The following MYO1D variants were observed in gnomAD, a reference collection of about 807,000 sequenced individuals.
MYO1D encodes the protein myosin ID.
In MYO1D, 83 loss-of-function variants were observed where a neutral mutation model predicts 122.0. The ratio of observed to expected loss-of-function variants is 0.68; its 90% CI spans 0.57 to 0.82. The LOEUF is 0.82. Ranked by LOEUF, MYO1D falls within the 40% of genes least tolerant of loss-of-function variation. The pLI is 0.00. For synonymous variants in MYO1D, 464 were observed against 446.9 expected (o/e 1.04, Z -0.48); for missense variants, 1,157 against 1,269.5 (o/e 0.91, Z 1.35).
chr17:32,818,700 C>T (rs1025839925), intron 1 of MYO1D, among the ~76,000 whole-genome samples: 5 of 152,162 alleles, frequency 3.3e-5, no homozygotes, highest in African/African-American at 1.2e-4. Flanking sequence ...CGATCTTGGG[C>T]AAGGGGTCAG....
rs28909978 is a variant in MYO1D, at chr17:32,702,204, T to C, written c.2121+9784A>G. On this transcript the variant is annotated intron_variant, in intron 16 of 21. Transcript: ENST00000318217. ...GTTTTACATGCTTCTGTTATTTCCT[T>C]TCCCACTATTATACTTGTGTGCATA... is the stretch of plus-strand genomic sequence containing the variant. Among the ~76,000 whole-genome samples, 971 of 152,346 alleles carry C rather than the reference T, an allele frequency of 6.4e-3. 5 individuals are homozygous for C. Among genetic ancestry groups the C allele is most frequent in the Non-Finnish European group, 0.011 (727 of 68,024 alleles).
intron 1 of MYO1D, among the ~76,000 whole-genome samples, chr17:32,814,275 C>T (rs967512430): frequency 8.5e-5 from 13 of 152,244 alleles, no homozygotes; most frequent in Middle Eastern, 3.4e-3. Context: ...ACCCGGGAGG[C>T]GGAGGTTGCA....
At chr17:32,852,287 G>A (rs1249395472) in intron 1 of MYO1D, among the ~76,000 whole-genome samples, 2 of 152,028 alleles carry the variant, frequency 1.3e-5, no homozygotes, top group Non-Finnish European at 2.9e-5. Flanking sequence ...TACCACACCT[G>A]GCTAGTTTTT....
At chr17:32,594,608 G>T (rs1481361597) in intron 21 of MYO1D, 1 of 642,584 alleles carries the variant, frequency 1.6e-6, no homozygotes, top group South Asian at 1.9e-5. Context: ...TCAGAAATAG[G>T]CTTTTTCTTT....
intron 16 of MYO1D, among the ~76,000 whole-genome samples, chr17:32,694,707 C>CAAAAAAAAAAAAAAAAA (rs58606294): frequency 1.8e-5 from 1 of 55,914 alleles, no homozygotes; most frequent in East Asian, 6.8e-4. Flanking sequence ...GACTCCGTCT[C>CAAAAAAAAAAAAAAAAA]AAAAAAAAAA....
intron 20 of MYO1D, among the ~76,000 whole-genome samples, chr17:32,637,046 GATA>G (rs1241613022): frequency 6.6e-6 from 1 of 152,180 alleles, no homozygotes; most frequent in African/African-American, 2.4e-5. Flanking sequence ...AATTAGCAAT[GATA>G]ATGATGAAGA....
chr17:32,726,590 T>G (rs1011325948), intron 14 of MYO1D, among the ~76,000 whole-genome samples: 1 of 149,962 alleles, frequency 6.7e-6, no homozygotes, highest in Non-Finnish European at 1.5e-5. Flanking sequence ...TATATCTATA[T>G]CATCTAATAG....
intron 7 of MYO1D, among the ~76,000 whole-genome samples, chr17:32,767,385 C>T (rs2090068898): frequency 6.6e-6 from 1 of 152,158 alleles, no homozygotes; most frequent in Admixed American, 6.5e-5. Context: ...TTAAAATTAA[C>T]CAGTTCAAAG....
intron 21 of MYO1D, among the ~76,000 whole-genome samples, chr17:32,523,023 G>A (rs1052152866): frequency 3.3e-5 from 5 of 152,182 alleles, no homozygotes; most frequent in Non-Finnish European, 5.9e-5. Context: ...CACCATGTTA[G>A]CCAGGATGGT....
chr17:32,867,891 T>C (rs1441034609), intron 1 of MYO1D, among the ~76,000 whole-genome samples: 4 of 136,910 alleles, frequency 2.9e-5, no homozygotes, highest in African/African-American at 5.5e-5. Context: ...CTATAGATAA[T>C]GAGGAAATTG....
At chr17:32,664,043 G>C (rs1329104024) in intron 16 of MYO1D, among the ~76,000 whole-genome samples, 1 of 152,144 alleles carries the variant, frequency 6.6e-6, no homozygotes, top group East Asian at 1.9e-4. Flanking sequence ...TCTGTGGGAA[G>C]GAAATTTTGT....
intron 1 of MYO1D, among the ~76,000 whole-genome samples, chr17:32,871,717 G>A (rs1039123049): frequency 2.0e-5 from 3 of 152,240 alleles, no homozygotes; most frequent in Admixed American, 2.0e-4. Context: ...CCACTCCTGA[G>A]CAGTAGCCTG....
chr17:32,612,481 G>A (rs1225869289), intron 20 of MYO1D, among the ~76,000 whole-genome samples: 1 of 151,780 alleles, frequency 6.6e-6, no homozygotes, highest in East Asian at 2.0e-4. Flanking sequence ...GAGGCCGGGA[G>A]TTCATGACCA....
chr17:32,613,974 C>T (rs1289248747), intron 20 of MYO1D, among the ~76,000 whole-genome samples: 1 of 150,442 alleles, frequency 6.6e-6, no homozygotes, highest in African/African-American at 2.4e-5. Flanking sequence ...TTTTATTTTA[C>T]AGTATACCAT....
chr17:32,514,104 T>C (rs1024041156), intron 21 of MYO1D, among the ~76,000 whole-genome samples: 2 of 151,880 alleles, frequency 1.3e-5, no homozygotes, highest in Non-Finnish European at 2.9e-5. Flanking sequence ...TGGCCAGGCA[T>C]AGTGGCATGT....
chr17:32,525,957 G>A (rs1451165819), intron 21 of MYO1D, among the ~76,000 whole-genome samples: 1 of 152,124 alleles, frequency 6.6e-6, no homozygotes, highest in African/African-American at 2.4e-5. Flanking sequence ...TGCCACGATG[G>A]TTTTGCCTTT....
At chr17:32,770,784 T>C (rs891653029) in intron 6 of MYO1D, among the ~76,000 whole-genome samples, 1 of 152,182 alleles carries the variant, frequency 6.6e-6, no homozygotes, top group Non-Finnish European at 1.5e-5. Flanking sequence ...CCAAATCATA[T>C]GGAATCTTCT....
intron 20 of MYO1D, among the ~76,000 whole-genome samples, chr17:32,620,857 G>GA (rs1248173183): frequency 6.6e-6 from 1 of 152,166 alleles, no homozygotes; most frequent in East Asian, 1.9e-4. Context: ...TTAAGAATTT[G>GA]AAAAAAGCTA....
At chr17:32,519,621 C>G (rs1037040102) in intron 21 of MYO1D, among the ~76,000 whole-genome samples, 2 of 151,646 alleles carry the variant, frequency 1.3e-5, no homozygotes, top group African/African-American at 4.8e-5. Context: ...CAGCCCCGGC[C>G]GGCCGCGCTT....
Sources: allele counts gnomAD v4.1 joint callset (sites outside exome capture counted in the v4.1 genomes callset), GRCh38; gene constraint gnomAD v4.1.1; transcripts MANE v1.5; gene names NCBI Gene and HGNC (gene_info 2026-07-23, HGNC 2026-07-21).